DOCK6: variants seen among roughly 807,000 people sequenced by gnomAD.
DOCK6 encodes the protein dedicator of cytokinesis 6, also known as dedicator of cytokinesis protein 6.
DOCK6 carries 167 observed loss-of-function variants against 230.3 expected under a neutral mutation model. That is an observed-to-expected ratio of 0.73 (90% CI 0.64 to 0.82). The LOEUF (loss-of-function observed/expected upper bound fraction) is 0.82. Among genes scored for constraint, DOCK6 ranks in the 40% least tolerant of loss-of-function variants. DOCK6 has a pLI of 0.00. For synonymous variants in DOCK6, 1,148 were observed against 1,185.0 expected, an observed-to-expected ratio of 0.97 and a Z score of 0.64; for missense variants, 2,598 against 2,825.8, an observed-to-expected ratio of 0.92 and a Z score of 1.83.
At chr19:11,235,877 A>T (rs868035166) in intron 20 of DOCK6, 118 bp from the exon 21 acceptor site, 323 of 885,906 alleles carry the variant, frequency 3.6e-4, no homozygotes, top group African/African-American at 1.4e-3. Context: ...GGGGTCACAA[A>T]TTTTTTTTTT....
Position 11,200,332 on chromosome 19 carries a change from A to G in DOCK6, c.6077T>C (p.Met2026Thr). The change falls in exon 47 of 48, where the codon ATG (methionine) becomes ACG (threonine). Residue 2026 changes from methionine to threonine, a missense_variant. Met to Thr is a moderately conservative substitution (Grantham distance 81). Coordinates refer to ENST00000294618, the MANE Select transcript of DOCK6 (RefSeq NM_020812.4). This position sits in a 1 kb window ranked among gnomAD's most constrained non-coding sequence, Gnocchi z 4.3. ...CCTGAGGCCGGGTGGGGTGGGTGCC[A>G]TCAGCTGGGGCAGGCGCTGGGTAAG... ...PLLTQRLPQLMAPTPPGLRNS... is the reference protein window; with the variant it reads ...PLLTQRLPQLTAPTPPGLRNS... 2.5e-6 allele frequency: 4 copies of G among 1,572,954 alleles called. No individual in the cohort carries two copies. Among genetic ancestry groups the G allele is most frequent in the Non-Finnish European group, 3.5e-6 (4 of 1,159,180 alleles).
At chr19:11,199,770 A>C (rs898557433) in intron 47 of DOCK6, among the ~76,000 whole-genome samples, 4 of 152,244 alleles carry the variant, frequency 2.6e-5, no homozygotes, top group African/African-American at 9.6e-5. Context: ...AGAAAGATGA[A>C]TTCATGTATC....
chr19:11,212,170 G>A lies in DOCK6; in HGVS notation c.4492-19C>T. ...CAAAGTTCTGCAGGGACAGGGGCGGGAGGGTGGAGCCGGGAGTCTCAGACC... is the reference window on the plus strand; with the variant it reads ...CAAAGTTCTGCAGGGACAGGGGCGGAAGGGTGGAGCCGGGAGTCTCAGACC... On this transcript the variant is annotated intron_variant, in intron 35 of 47. Coordinates refer to ENST00000294618, the MANE Select transcript of DOCK6 (RefSeq NM_020812.4). 3 of 1,599,290 alleles carry A rather than the reference G, an allele frequency of 1.9e-6. No individual in the cohort carries two copies. Among genetic ancestry groups the A allele is most frequent in the Non-Finnish European group, 2.6e-6 (3 of 1,176,468 alleles).
intron 30 of DOCK6, among the ~76,000 whole-genome samples, chr19:11,216,394 T>TA (rs1369912549): frequency 6.6e-6 from 1 of 151,238 alleles, no homozygotes; most frequent in Non-Finnish European, 1.5e-5. Flanking sequence ...GGCCCTGTTT[T>TA]AAAAAAATTT....
rs1028777050 is a variant in DOCK6, at chr19:11,201,971, T to C, written c.5606A>G (p.Gln1869Arg). 2 of 1,613,708 alleles carry C rather than the reference T, an allele frequency of 1.2e-6. No homozygotes were observed. Among genetic ancestry groups the C allele is most frequent in the African/African-American group, 1.3e-5 (1 of 74,940 alleles). The change falls in exon 44 of 48, where the codon CAA (glutamine) becomes CGA (arginine). Residue 1869 changes from glutamine (Q) to arginine (R), a missense_variant. By Grantham distance (43) the Gln-to-Arg change is conservative. Coordinates refer to ENST00000294618, the MANE Select transcript of DOCK6 (RefSeq NM_020812.4). This position sits in a 1 kb window ranked among gnomAD's most constrained non-coding sequence, Gnocchi z 4.3. ...GCTGAGCAGCGTCTTACGCTTGTGTTGCTCGGGCAGCTCCCCGTGTGCGCG... is the reference window on the plus strand; with the variant it reads ...GCTGAGCAGCGTCTTACGCTTGTGTCGCTCGGGCAGCTCCCCGTGTGCGCG... ...DGRAHGELPE[Q>R]HKRKTLLSTD...
At chr19:11,216,551 G>C (rs11085764) in intron 30 of DOCK6, 118,784 of 234,390 alleles carry the variant, frequency 0.51, 32,190 homozygotes, top group Non-Finnish European at 0.59. Flanking sequence ...GGGACTACAG[G>C]TGCGCGCCAC....
At position 11,248,111 on chromosome 19, in the gene DOCK6, C is replaced by T. The variant is rs377080101; in HGVS notation, c.761G>A (p.Arg254His). 10 of 1,453,110 alleles carry T rather than the reference C, an allele frequency of 6.9e-6. No homozygotes were observed. The highest frequency in any genetic ancestry group is 3.8e-4 in the Middle Eastern group (2 of 5,296). The allele number at this position is 1,453,110 out of a possible 1,614,324, so 90.0% of individuals were successfully genotyped here. A position where few individuals can be genotyped will look rare whatever the true frequency, so the allele number is the denominator to read the frequency against. ...CAAGATCCTTTGTCCAAAGTGCTCG[C>T]GGGGTGGCTCTGGGCGGCTACAGCG... is the stretch of plus-strand genomic sequence containing the variant. ...VERCSRPEPPREHFGQRILVK... is the reference protein window; with the variant it reads ...VERCSRPEPPHEHFGQRILVK... The change falls in exon 7 of 48, where the codon CGC becomes CAC. Residue 254 changes from arginine (R) to histidine (H), a missense_variant. Arg to His is a conservative substitution (Grantham distance 29). Transcript: ENST00000294618.
At position 11,252,766 on chromosome 19, in the gene DOCK6, C is replaced by T. The variant is rs764632998; in HGVS notation, c.308+17G>A. The T allele has an allele frequency of 4.4e-6, 7 of 1,601,184 alleles. No homozygotes were observed. The highest frequency in any genetic ancestry group is 4.0e-5 in the African/African-American group (3 of 74,808). On this transcript the variant is annotated intron_variant, in intron 3 of 47. Transcript: ENST00000294618. ...AGAGTGGAATCACAGGCAGAGAGGG[C>T]GTGGGGCTGAACCCACTCATCCTTG...
chr19:11,239,552 G>A, intron 14 of DOCK6: 1 of 1,536,922 alleles, frequency 6.5e-7, no homozygotes, highest in Non-Finnish European at 8.9e-7. Context: ...AGGTCGGCCA[G>A]TTAACGATTG....
chr19:11,229,024 C>T lies in DOCK6; in HGVS notation c.2730G>A (p.Glu910=), dbSNP rs2079720216. ...TGACCACCCACTGCAGAGCCAGCTC[C>T]TCGTGAAGCAGCTGGGGACAGAGGC... ...SRILASKLLH[E]ELALQWVVSS... The change falls in exon 23 of 48, where the codon GAG becomes GAA. Residue 910 remains glutamate (E), a synonymous_variant. Transcript: ENST00000294618. 1 of 1,613,460 alleles carries T rather than the reference C, an allele frequency of 6.2e-7. No individual in the cohort carries two copies. Among genetic ancestry groups the T allele is most frequent in the Non-Finnish European group, 8.5e-7 (1 of 1,179,766 alleles).
At position 11,217,000 on chromosome 19, in the gene DOCK6, G is replaced by A. The variant is rs1014806326; in HGVS notation, c.3808C>T (p.Gln1270Ter). The change falls in exon 30 of 48, where the codon CAG becomes TAG. Residue 1270 changes from glutamine to a stop codon, truncating the protein, a stop_gained. Coordinates refer to ENST00000294618, the MANE Select transcript of DOCK6 (RefSeq NM_020812.4). LOFTEE classifies it high-confidence loss of function. Reference protein sequence around the residue: ...VLKNTEPALLQRWATDLTLPQ... With the variant: ...VLKNTEPALL ...AGTGTCAGGTCAGTGGCCCAGCGCT[G>A]CAGGAGCGCCGGCTCGGTGTTTTTC... 6.2e-7 allele frequency: 1 copy of A among 1,613,572 alleles called. No individual in the cohort carries two copies. The highest frequency in any genetic ancestry group is 1.3e-5 in the African/African-American group (1 of 74,948).
chr19:11,212,541 A>AT (rs1433934948), intron 35 of DOCK6, among the ~76,000 whole-genome samples: 2 of 135,614 alleles, frequency 1.5e-5, no homozygotes, highest in Non-Finnish European at 3.1e-5. Context: ...TGCGCCCAGC[A>AT]TTTTTTCTTT....
chr19:11,199,299 T>C lies in DOCK6; in HGVS notation c.*198A>G. 4 of 660,990 alleles carry C rather than the reference T, an allele frequency of 6.1e-6. No individual in the cohort carries two copies. Among genetic ancestry groups the C allele is most frequent in the Non-Finnish European group, 1.0e-5 (4 of 389,896 alleles). The allele number at this position is 660,990 out of a possible 1,614,324, so 40.9% of individuals were successfully genotyped here. ...GACCGCACCACATGGCACAGGTTGC[T>C]TATAAAAACCATTTTAAATTAAAAA... On this transcript the variant is annotated 3_prime_UTR_variant, in exon 48 of 48. Transcript: ENST00000294618.
intron 28 of DOCK6, among the ~76,000 whole-genome samples, chr19:11,219,174 G>GTT (rs778505119): frequency 4.3e-4 from 33 of 77,308 alleles, no homozygotes; most frequent in Admixed American, 5.7e-4. Context: ...ACTGCGCCCG[G>GTT]TTTTTTTTTT....
Position 11,202,846 on chromosome 19 carries a change from G to C in DOCK6, c.5236-137C>G. 3 of 1,406,914 alleles carry C rather than the reference G, an allele frequency of 2.1e-6. No homozygotes were observed. The Admixed American group carries it at 5.3e-5, about 25-fold the overall frequency. The allele number at this position is 1,406,914 out of a possible 1,614,324, so 87.2% of individuals were successfully genotyped here. A position where few individuals can be genotyped will look rare whatever the true frequency, so the allele number is the denominator to read the frequency against. On this transcript the variant is annotated intron_variant, in intron 41 of 47. Transcript: ENST00000294618. The surrounding 1 kb of genome is among the most constrained non-coding windows in gnomAD (Gnocchi z 5.3). Reference sequence around the variant, plus strand: ...ATCAGGGCATGGGCACAGGCAGGGGGCCCTGAGAACATTGGGGCATGGATT... The same window carrying C: ...ATCAGGGCATGGGCACAGGCAGGGGCCCCTGAGAACATTGGGGCATGGATT...
intron 37 of DOCK6, among the ~76,000 whole-genome samples, chr19:11,210,315 A>C (rs970736793): frequency 7.8e-6 from 1 of 128,380 alleles, no homozygotes; most frequent in Admixed American, 8.6e-5. Flanking sequence ...TCACCTGTTC[A>C]TCTCACTTGG....
chr19:11,259,556 C>CTTTTTTTTTTTTTT (rs756965986), intron 1 of DOCK6, among the ~76,000 whole-genome samples: 17 of 103,642 alleles, frequency 1.6e-4, no homozygotes, highest in East Asian at 2.8e-4. Flanking sequence ...TATTTCTTTT[C>CTTTTTTTTTTTTTT]TTTTTTTTTT....
chr19:11,236,340 G>A lies in DOCK6; in HGVS notation c.2392+6C>T, dbSNP rs779925345. 11 of 1,542,938 alleles carry A rather than the reference G, an allele frequency of 7.1e-6. No individual in the cohort carries two copies. Among genetic ancestry groups the A allele is most frequent in the East Asian group, 2.4e-5 (1 of 40,866 alleles). ...GAAACTGAGGTCTGAGGCCACATTC[G>A]CTTACCAATCTGGCCACTGATGATC... On this transcript the variant is annotated splice_donor_region_variant and intron_variant, in intron 20 of 47. Transcript: ENST00000294618. This position sits in a 1 kb window ranked among gnomAD's most constrained non-coding sequence, Gnocchi z 5.2.
At chr19:11,208,274 CTTCCTTT>C (rs1296893098) in intron 39 of DOCK6, 2 of 145,214 alleles carry the variant, frequency 1.4e-5, no homozygotes, top group Admixed American at 7.5e-5. Context: ...CCCAATTCTC[CTTCCTTT>C]TTTTTTTTTT....
Sources: gnomAD v4.1 joint callset for allele counts (sites outside exome capture counted in the v4.1 genomes callset) on GRCh38, gnomAD v4.1.1 for gene constraint, Gnocchi (gnomAD v3.1) non-coding constraint, MANE v1.5 for transcripts, NCBI Gene and HGNC (gene_info 2026-07-23, HGNC 2026-07-21) for gene names.